Variants in LACTB2 observed in about 807,000 individuals in gnomAD.
LACTB2 encodes the protein lactamase beta 2.
A neutral mutation model predicts 34.8 loss-of-function variants in LACTB2; 32 were observed. The ratio of observed to expected loss-of-function variants is 0.92; its 90% confidence interval spans 0.69 to 1.24. The LOEUF is 1.24. LACTB2 is among the 50% of genes most tolerant of loss of function. The pLI is 0.00. For synonymous variants in LACTB2, 120 were observed against 117.5 expected (o/e 1.02, Z -0.14); for missense variants, 320 against 345.0 (o/e 0.93, Z 0.57).
At chr8:70,668,264 C>G (rs537911188) in intron 1 of LACTB2, among the ~76,000 whole-genome samples, 36 of 152,344 alleles carry the variant, frequency 2.4e-4, no homozygotes, top group African/African-American at 8.4e-4. Context: ...TATCTGGGTT[C>G]ATCCAGTAAA....
At chr8:70,663,469 T>C (rs1029044145) in intron 1 of LACTB2, among the ~76,000 whole-genome samples, 1 of 152,226 alleles carries the variant, frequency 6.6e-6, no homozygotes, top group African/African-American at 2.4e-5. Context: ...AGTGTTGAAC[T>C]GTCCTATCCG....
At position 70,668,980 on chromosome 8, in the gene LACTB2, G is replaced by A; in HGVS notation, c.122+19C>T. ...GGGGCCGGCTGCGAACGTTGGGGAG[G>A]TTGGAGAGGGACGTTTACCTGGGGC... On this transcript the variant is annotated intron_variant, in intron 1 of 6. Coordinates refer to ENST00000276590, the MANE Select transcript of LACTB2 (RefSeq NM_016027.3). The A allele has an allele frequency of 1.9e-6, 3 of 1,569,970 alleles. No homozygotes were observed. The highest frequency in any genetic ancestry group is 2.6e-6 in the Non-Finnish European group (3 of 1,157,714).
At chr8:70,656,282 C>T (rs987210249) in intron 3 of LACTB2, among the ~76,000 whole-genome samples, 1 of 152,146 alleles carries the variant, frequency 6.6e-6, no homozygotes, top group Admixed American at 6.5e-5. Flanking sequence ...ACGGGTTTTG[C>T]CAATGTTATC....
intron 5 of LACTB2, among the ~76,000 whole-genome samples, chr8:70,640,095 G>C (rs1050278122): frequency 6.6e-6 from 1 of 152,104 alleles, no homozygotes; most frequent in African/African-American, 2.4e-5. Flanking sequence ...CGAGCAGCTG[G>C]GATCACAGGC....
chr8:70,658,831 T>A (rs1271612302), intron 2 of LACTB2, among the ~76,000 whole-genome samples: 1 of 151,972 alleles, frequency 6.6e-6, no homozygotes, highest in Non-Finnish European at 1.5e-5. Context: ...TCGAGACCAG[T>A]CTGGCCAACA....
At chr8:70,646,524 A>C (rs1252520890) in intron 3 of LACTB2, 1 of 151,722 alleles carries the variant, frequency 6.6e-6, no homozygotes, top group African/African-American at 2.4e-5. Flanking sequence ...CTCTAGTTAA[A>C]CATTTTAAGA....
chr8:70,643,289 C>G (rs1818223314), intron 4 of LACTB2, among the ~76,000 whole-genome samples: 2 of 136,996 alleles, frequency 1.5e-5, no homozygotes, highest in Non-Finnish European at 3.0e-5. Flanking sequence ...AATGGCGGAT[C>G]TTGGCTCACT....
rs1401666530 is a variant in LACTB2, at chr8:70,657,888, C to A, written c.287-6G>T. The stretch of plus-strand genomic sequence containing the variant: ...TTTAATGCAATAGGTAGTGTCTAGT[C>A]ATAAAACATATAAAATATATTAATT... On this transcript the variant is annotated splice_polypyrimidine_tract_variant and splice_region_variant and intron_variant, in intron 2 of 6. Coordinates refer to ENST00000276590, the MANE Select transcript of LACTB2 (RefSeq NM_016027.3). 3 of 1,563,684 alleles carry A rather than the reference C, an allele frequency of 1.9e-6. No individual in the cohort carries two copies. The highest frequency in any genetic ancestry group is 2.6e-6 in the Non-Finnish European group (3 of 1,144,396).
chr8:70,651,308 A>G (rs188894317), intron 3 of LACTB2, among the ~76,000 whole-genome samples: 1 of 152,304 alleles, frequency 6.6e-6, no homozygotes, highest in Admixed American at 6.5e-5. Context: ...AGTTGATCCA[A>G]TGGCAAGGTA....
intron 2 of LACTB2, chr8:70,660,237 C>T: frequency 4.1e-6 from 1 of 243,654 alleles, no homozygotes; most frequent in Non-Finnish European, 8.1e-6. Flanking sequence ...TATAAGCACA[C>T]ACCACCGTCC....
intron 1 of LACTB2, among the ~76,000 whole-genome samples, chr8:70,665,510 G>A (rs1301322298): frequency 6.6e-6 from 1 of 152,204 alleles, no homozygotes; most frequent in Non-Finnish European, 1.5e-5. Flanking sequence ...TATGAGCACA[G>A]TGTTATCTAG....
intron 3 of LACTB2, among the ~76,000 whole-genome samples, chr8:70,657,511 A>T (rs915234820): frequency 1.3e-5 from 2 of 148,924 alleles, no homozygotes; most frequent in African/African-American, 2.5e-5. Flanking sequence ...GACTCACTGC[A>T]GCCTCTGCTT....
intron 2 of LACTB2, chr8:70,661,532 A>G: frequency 2.1e-6 from 1 of 475,592 alleles, no homozygotes; most frequent in Non-Finnish European, 3.7e-6. Flanking sequence ...AAAATTGAGG[A>G]TTTGAAACAG....
chr8:70,657,836 T>G lies in LACTB2; in HGVS notation c.333A>C (p.Glu111Asp). The part of the protein sequence containing the change: ...IKKLPRNPQR[E>D]EIIGNGEQQY... ...GTTGCTCTCCATTTCCTATAATTTC[T>G]TCTCTCTGAGGATTCCGTGGGAGTT... Residue 111 changes from glutamate (E) to aspartate (D), a missense_variant, in exon 3 of 7, where the codon GAA becomes GAC. Glu to Asp is a conservative substitution (Grantham distance 45). Coordinates refer to ENST00000276590, the MANE Select transcript of LACTB2 (RefSeq NM_016027.3). The G allele has an allele frequency of 6.2e-7, 1 of 1,610,992 alleles. No homozygotes were observed.
intron 5 of LACTB2, among the ~76,000 whole-genome samples, chr8:70,638,832 C>A (rs1818157817): frequency 6.6e-6 from 1 of 151,640 alleles, no homozygotes; most frequent in South Asian, 2.1e-4. Context: ...CTCCGCCTCC[C>A]AGGTTCAAGC....
intron 1 of LACTB2, among the ~76,000 whole-genome samples, chr8:70,666,868 A>G (rs748060503): frequency 1.3e-5 from 2 of 152,210 alleles, no homozygotes; most frequent in Non-Finnish European, 2.9e-5. Flanking sequence ...TGGAAAGGTT[A>G]TGAGTTCAGT....
intron 3 of LACTB2, chr8:70,646,423 T>C (rs888760179): frequency 3.3e-5 from 5 of 152,202 alleles, no homozygotes; most frequent in East Asian, 1.9e-4. Context: ...AAGACATTTA[T>C]GCAGCCAAAA....
chr8:70,637,944 T>A (rs1213109229), intron 6 of LACTB2, 41 bp from the exon 7 acceptor site: 1 of 1,169,500 alleles, frequency 8.6e-7, no homozygotes, highest in African/African-American at 1.6e-5. Context: ...TAACAATAGA[T>A]AAGTAAATGC....
At chr8:70,663,153 C>A (rs1271825308) in intron 1 of LACTB2, 1 of 152,130 alleles carries the variant, frequency 6.6e-6, no homozygotes, top group Non-Finnish European at 1.5e-5. Flanking sequence ...TTGTTTCTTG[C>A]AGTAAGCAGG....
Sources: allele counts gnomAD v4.1 joint callset (sites outside exome capture counted in the v4.1 genomes callset), GRCh38; gene constraint gnomAD v4.1.1; transcripts MANE v1.5; gene names NCBI Gene and HGNC (gene_info 2026-07-23, HGNC 2026-07-21).